Variants in DCC observed in about 807,000 individuals in gnomAD.
The protein encoded by DCC is netrin receptor DCC.
DCC carries 58 observed loss-of-function variants against 172.5 expected under a neutral mutation model. The observed-to-expected ratio is 0.34, with a 90% CI of 0.27 to 0.42. DCC has a LOEUF of 0.42. DCC is among the 10% of genes least tolerant of loss of function. The pLI is 1.00. For synonymous variants in DCC, 709 were observed against 644.5 expected, an observed-to-expected ratio of 1.10 and a Z score of -1.52; for missense variants, 1,740 against 1,791.0, an observed-to-expected ratio of 0.97 and a Z score of 0.51.
At chr18:52,741,906 T>A (rs2036827458) in intron 1 of DCC, among the ~76,000 whole-genome samples, 1 of 152,080 alleles carries the variant, frequency 6.6e-6, no homozygotes, top group Non-Finnish European at 1.5e-5. Context: ...TAACCTCCAA[T>A]GTTATAGTAT....
intron 25 of DCC, among the ~76,000 whole-genome samples, chr18:53,476,924 A>G (rs2045770105): frequency 6.6e-6 from 1 of 152,238 alleles, no homozygotes; most frequent in South Asian, 2.1e-4. Flanking sequence ...GTCACATCAC[A>G]TTCATTGTTA....
chr18:52,634,370 T>A (rs539709651), intron 1 of DCC, among the ~76,000 whole-genome samples: 1 of 152,356 alleles, frequency 6.6e-6, no homozygotes, highest in Non-Finnish European at 1.5e-5. Context: ...ATGTAGTATT[T>A]GTATGGAATT....
chr18:52,366,213 T>G (rs1984843744), intron 1 of DCC, among the ~76,000 whole-genome samples: 1 of 152,170 alleles, frequency 6.6e-6, no homozygotes, highest in Non-Finnish European at 1.5e-5. Flanking sequence ...AATTGGTGGG[T>G]TCTTGGTCTC....
rs534583032 is a variant in DCC at position 52,536,496 on chromosome 18, T to C, written c.91+195618T>C. On this transcript the variant is annotated intron_variant, in intron 1 of 28. Coordinates refer to ENST00000442544, the MANE Select transcript of DCC (RefSeq NM_005215.4). ...TTACCAAACTGGGAGCAAGACACAGTTTTATCAGCATAAAAATTCTCAGTA... is the reference window on the plus strand; with the variant it reads ...TTACCAAACTGGGAGCAAGACACAGCTTTATCAGCATAAAAATTCTCAGTA... 2.6e-5 allele frequency among the ~76,000 whole-genome samples: 4 copies of C among 152,188 alleles called. No individual in the cohort carries two copies. In the South Asian group the frequency reaches 8.3e-4, roughly 32 times the overall value.
Position 53,410,551 on chromosome 18 carries a change from T to G in DCC, c.3035T>G (p.Leu1012Arg). 1 of 1,604,842 alleles carries G rather than the reference T, an allele frequency of 6.2e-7. No homozygotes were observed. The highest frequency in any genetic ancestry group is 1.3e-5 in the African/African-American group (1 of 74,874). The change falls in exon 20 of 29, where the codon CTC (leucine) becomes CGC (arginine). Residue 1012 changes from leucine (L) to arginine (R), a missense_variant. Transcript: ENST00000442544. The stretch of plus-strand genomic sequence containing the variant: ...AGGCTTACTCATCAAATCATGGATC[T>G]CAACCTTGATACTATGTATTACTTT... ...GDRLTHQIMDLNLDTMYYFRI... is the reference protein window; with the variant it reads ...GDRLTHQIMDRNLDTMYYFRI...
chr18:53,335,177 T>C lies in DCC; in HGVS notation c.2165-4536T>C, dbSNP rs572514295. Reference sequence around the variant, plus strand: ...GCAGTACAGCATTTGCAGTAGTTGTTTCCTCTCCCTACAGAGCTCACCACT... The same window carrying C: ...GCAGTACAGCATTTGCAGTAGTTGTCTCCTCTCCCTACAGAGCTCACCACT... On this transcript the variant is annotated intron_variant, in intron 14 of 28. Coordinates refer to ENST00000442544, the MANE Select transcript of DCC (RefSeq NM_005215.4). Among the ~76,000 whole-genome samples the C allele has an allele frequency of 7.9e-5, 12 of 152,304 alleles. No homozygotes were observed. The South Asian group carries it at 2.5e-3, about 32-fold the overall frequency.
chr18:53,137,136 C>A (rs1457842747), intron 7 of DCC, among the ~76,000 whole-genome samples: 1 of 152,162 alleles, frequency 6.6e-6, no homozygotes, highest in East Asian at 1.9e-4. Context: ...ACAAACTTAG[C>A]AACTTAACAT....
intron 23 of DCC, among the ~76,000 whole-genome samples, chr18:53,456,362 T>G (rs1201138296): frequency 1.1e-4 from 16 of 152,194 alleles, no homozygotes; most frequent in Non-Finnish European, 2.2e-4. Flanking sequence ...GAGGGTTCTT[T>G]GTTTGCCTTT....
chr18:53,485,916 CTAAA>C (rs1350714058), intron 25 of DCC, among the ~76,000 whole-genome samples: 2 of 151,866 alleles, frequency 1.3e-5, no homozygotes, highest in Non-Finnish European at 1.5e-5. Context: ...GCATTACCAT[CTAAA>C]TAAATAAAAA....
intron 1 of DCC, among the ~76,000 whole-genome samples, chr18:52,460,961 TTA>T (rs1370783946): frequency 6.6e-6 from 1 of 152,152 alleles, no homozygotes; most frequent in Non-Finnish European, 1.5e-5. Context: ...TTATAAAAAA[TTA>T]TGTTTACTTC....
At chr18:52,615,276 C>T (rs1274105305) in intron 1 of DCC, among the ~76,000 whole-genome samples, 1 of 152,196 alleles carries the variant, frequency 6.6e-6, no homozygotes, top group African/African-American at 2.4e-5. Context: ...ATTTATGTAA[C>T]TCTTTCTGTC....
rs184596340 is a variant in DCC at position 52,837,034 on chromosome 18, G to C, written c.413-69010G>C. On this transcript the variant is annotated intron_variant, in intron 2 of 28. Coordinates refer to ENST00000442544, the MANE Select transcript of DCC (RefSeq NM_005215.4). Reference sequence around the variant, plus strand: ...CACATGGAAGCTGCCAAGGCTTGGGGCTTGCATATTCTGATGCCATGGCCC... The same window carrying C: ...CACATGGAAGCTGCCAAGGCTTGGGCCTTGCATATTCTGATGCCATGGCCC... Among the ~76,000 whole-genome samples the C allele has an allele frequency of 2.2e-3, 334 of 152,278 alleles. 2 individuals carry two copies. Among genetic ancestry groups the C allele is most frequent in the African/African-American group, 7.7e-3 (318 of 41,554 alleles).
intron 1 of DCC, among the ~76,000 whole-genome samples, chr18:52,396,546 G>T (rs1986238240): frequency 1.3e-5 from 2 of 151,946 alleles, no homozygotes; most frequent in Admixed American, 6.6e-5. Context: ...TCCCGAGGTG[G>T]CCTGAGCATC....
intron 2 of DCC, among the ~76,000 whole-genome samples, chr18:52,812,652 G>A (rs1338714714): frequency 1.3e-5 from 2 of 152,202 alleles, no homozygotes; most frequent in Non-Finnish European, 2.9e-5. Context: ...CAAAGCCTAA[G>A]GGCATGCATT....
chr18:52,514,317 G>GT (rs929748160), intron 1 of DCC, among the ~76,000 whole-genome samples: 7 of 152,004 alleles, frequency 4.6e-5, no homozygotes, highest in East Asian at 1.9e-4. Context: ...CTTAGACATG[G>GT]TTTTTTTTAT....
intron 8 of DCC, among the ~76,000 whole-genome samples, chr18:53,165,556 C>A (rs775918521): frequency 2.0e-5 from 3 of 152,172 alleles, no homozygotes; most frequent in Non-Finnish European, 4.4e-5. Flanking sequence ...TAGCCTTCTT[C>A]TTAGAGCCCC....
intron 2 of DCC, among the ~76,000 whole-genome samples, chr18:52,902,868 A>G (rs77673472): frequency 0.15 from 23,020 of 152,230 alleles, 2,246 homozygotes; most frequent in South Asian, 0.38. Context: ...ATAATTTCTC[A>G]CTATGACAAA....
intron 21 of DCC, among the ~76,000 whole-genome samples, chr18:53,424,447 G>A (rs192314513): frequency 1.1e-3 from 173 of 152,296 alleles, no homozygotes; most frequent in African/African-American, 3.9e-3. Context: ...TTGCAATATA[G>A]TTAGGAGGAG....
At chr18:52,529,123 G>A (rs560778452) in intron 1 of DCC, among the ~76,000 whole-genome samples, 3 of 152,272 alleles carry the variant, frequency 2.0e-5, no homozygotes, top group Admixed American at 6.5e-5. Flanking sequence ...TTTTCTAAGA[G>A]AAAAGAAGAC....
Sources: gnomAD v4.1 joint callset for allele counts (sites outside exome capture counted in the v4.1 genomes callset) on GRCh38, gnomAD v4.1.1 for gene constraint, MANE v1.5 for transcripts, NCBI Gene and HGNC (gene_info 2026-07-23, HGNC 2026-07-21) for gene names.